The following KLHL1 variants were observed in gnomAD, a reference collection of about 807,000 sequenced individuals.
KLHL1 encodes kelch like family member 1, also known as kelch-like protein 1.
Under a neutral mutation model 77.7 loss-of-function variants are expected in KLHL1, and 47 were observed. The ratio of observed to expected loss-of-function variants is 0.60; its 90% CI spans 0.48 to 0.77. The LOEUF (loss-of-function observed/expected upper bound fraction) is 0.77. Ranked by LOEUF, KLHL1 falls within the 30% of genes least tolerant of loss-of-function variation. KLHL1 has a pLI of 0.00. For synonymous variants in KLHL1, 360 were observed against 325.2 expected (o/e 1.11, Z -1.15); for missense variants, 925 against 910.8 (o/e 1.02, Z -0.20).
chr13:69,828,050 C>G (rs1271508493), intron 6 of KLHL1, among the ~76,000 whole-genome samples: 2 of 150,210 alleles, frequency 1.3e-5, no homozygotes, highest in Non-Finnish European at 2.9e-5. Flanking sequence ...ACTTGCAGCT[C>G]CCACTTGGAT....
rs55885952 is a variant in KLHL1 at position 70,038,581 on chromosome 13, ATT to A, written c.498-62781_498-62780del. 5.7e-3 allele frequency among the ~76,000 whole-genome samples: 415 copies of A among 73,040 alleles called. 1 individual carries two copies. The highest frequency in any genetic ancestry group is 0.017 in the African/African-American group (318 of 18,794). The allele number at this position is 73,040 out of a possible 152,430, so 47.9% of individuals were successfully genotyped here. A position where few individuals can be genotyped will look rare whatever the true frequency, so the allele number is the denominator to read the frequency against. ...TTGCCAGCATTTGGGATTGTCATTA[ATT>A]TTTTTTTTTTTTTTTTTTTTTTGAG... On this transcript the variant is annotated intron_variant, in intron 1 of 10. Coordinates refer to ENST00000377844, the MANE Select transcript of KLHL1 (RefSeq NM_020866.3).
intron 7 of KLHL1, among the ~76,000 whole-genome samples, chr13:69,748,333 T>C (rs1874310446): frequency 6.6e-6 from 1 of 152,000 alleles, no homozygotes; most frequent in Admixed American, 6.6e-5. Flanking sequence ...CAGTTGCACA[T>C]GGCTGAGGAG....
intron 1 of KLHL1, among the ~76,000 whole-genome samples, chr13:70,001,221 G>T (rs1267112240): frequency 6.6e-6 from 1 of 150,994 alleles, no homozygotes; most frequent in Non-Finnish European, 1.5e-5. Flanking sequence ...ATAGGAAATA[G>T]AAATAAGCTA....
chr13:69,730,193 A>G lies in KLHL1; in HGVS notation c.1802+10201T>C, dbSNP rs542357317. Among the ~76,000 whole-genome samples the G allele has an allele frequency of 1.2e-4, 19 of 152,284 alleles. No homozygotes were observed. The South Asian group carries it at 3.9e-3, about 32-fold the overall frequency. On this transcript the variant is annotated intron_variant, in intron 8 of 10. Transcript: ENST00000377844. The stretch of plus-strand genomic sequence containing the variant: ...TTTTAAGGTTATTCAAAGTAAAGTC[A>G]TAAAGAAGGTCACAGAGCTATAATG...
intron 1 of KLHL1, among the ~76,000 whole-genome samples, chr13:70,087,709 G>A (rs2137437992): frequency 6.6e-6 from 1 of 152,214 alleles, no homozygotes; most frequent in Non-Finnish European, 1.5e-5. Context: ...AACAACCAGA[G>A]CTTTTGGAAA....
At chr13:69,737,639 T>C (rs1305434983) in intron 8 of KLHL1, among the ~76,000 whole-genome samples, 2 of 152,256 alleles carry the variant, frequency 1.3e-5, no homozygotes, top group African/African-American at 2.4e-5. Context: ...CCAGACTGCT[T>C]CTTTAAGCAG....
chr13:69,784,983 G>C (rs867353110), intron 7 of KLHL1, among the ~76,000 whole-genome samples: 1 of 138,160 alleles, frequency 7.2e-6, no homozygotes, highest in African/African-American at 2.7e-5. Flanking sequence ...TCCGCCTCCC[G>C]GGTTCACGCC....
intron 6 of KLHL1, among the ~76,000 whole-genome samples, chr13:69,808,792 A>G (rs1019457468): frequency 6.6e-6 from 1 of 152,184 alleles, no homozygotes; most frequent in Non-Finnish European, 1.5e-5. Context: ...GATCTGAGAG[A>G]AAGTTGAAAT....
In KLHL1 at chr13:70,087,249, G is replaced by A. The variant is rs546270813; in HGVS notation, c.497+19954C>T. On this transcript the variant is annotated intron_variant, in intron 1 of 10. Coordinates refer to ENST00000377844, the MANE Select transcript of KLHL1 (RefSeq NM_020866.3). ...TTGTCAACTGTGTGAATGTTTAGGC[G>A]ATTTATATTAAAATTGGAAATGAAA... 2.6e-5 allele frequency among the ~76,000 whole-genome samples: 4 copies of A among 152,136 alleles called. No individual in the cohort carries two copies. In the East Asian group the frequency reaches 7.7e-4, roughly 29 times the overall value.
In KLHL1 at chr13:70,078,449, A is replaced by G. The variant is rs112020045; in HGVS notation, c.497+28754T>C. On this transcript the variant is annotated intron_variant, in intron 1 of 10. Coordinates refer to ENST00000377844, the MANE Select transcript of KLHL1 (RefSeq NM_020866.3). ...GAAAACCTTCATTTGTATAACTTCC[A>G]AATTTTCTCTTTAAATATTAATAAA... Among the ~76,000 whole-genome samples the G allele has an allele frequency of 8.5e-5, 13 of 152,176 alleles. 1 individual carries two copies. The highest frequency in any genetic ancestry group is 3.1e-4 in the African/African-American group (13 of 41,550).
intron 4 of KLHL1, among the ~76,000 whole-genome samples, chr13:69,893,915 G>A (rs780649930): frequency 1.3e-5 from 2 of 152,098 alleles, no homozygotes; most frequent in African/African-American, 4.8e-5. Context: ...AACAGACAAA[G>A]GCCGCCCAAT....
chr13:69,811,736 C>T (rs1877890116), intron 6 of KLHL1, among the ~76,000 whole-genome samples: 1 of 152,098 alleles, frequency 6.6e-6, no homozygotes, highest in African/African-American at 2.4e-5. Context: ...CACAAAGATT[C>T]TATCAAAAGA....
At chr13:69,974,724 G>A (rs182850142) in intron 2 of KLHL1, among the ~76,000 whole-genome samples, 136 of 151,984 alleles carry the variant, frequency 8.9e-4, no homozygotes, top group African/African-American at 3.0e-3. Context: ...TAGCTCTTAC[G>A]CTGAAGAATA....
At chr13:69,779,258 T>C (rs1390247385) in intron 7 of KLHL1, among the ~76,000 whole-genome samples, 1 of 152,146 alleles carries the variant, frequency 6.6e-6, no homozygotes, top group Non-Finnish European at 1.5e-5. Flanking sequence ...ACCAAGTATA[T>C]AATGAGGGTT....
chr13:69,799,579 G>A (rs1171157206), intron 6 of KLHL1, among the ~76,000 whole-genome samples: 1 of 152,116 alleles, frequency 6.6e-6, no homozygotes, highest in Non-Finnish European at 1.5e-5. Flanking sequence ...TTTCAAATTA[G>A]AATTTATATT....
At chr13:70,029,467 G>T (rs1183834302) in intron 1 of KLHL1, among the ~76,000 whole-genome samples, 5 of 152,234 alleles carry the variant, frequency 3.3e-5, no homozygotes, top group Admixed American at 2.6e-4. Flanking sequence ...TTAAAGAAAA[G>T]AATTTTCAAC....
At chr13:70,030,526 A>T (rs1484973335) in intron 1 of KLHL1, among the ~76,000 whole-genome samples, 6 of 152,338 alleles carry the variant, frequency 3.9e-5, no homozygotes, top group African/African-American at 1.4e-4. Flanking sequence ...GCAGAAATAA[A>T]GATGTTCTTT....
intron 1 of KLHL1, among the ~76,000 whole-genome samples, chr13:70,084,453 T>G (rs1887470426): frequency 2.4e-5 from 2 of 84,056 alleles, no homozygotes; most frequent in Admixed American, 1.3e-4. Context: ...TCTAGTCTAT[T>G]TCTTCTTCTT....
intron 7 of KLHL1, among the ~76,000 whole-genome samples, chr13:69,781,674 A>T (rs1876218118): frequency 6.6e-6 from 1 of 152,128 alleles, no homozygotes; most frequent in Non-Finnish European, 1.5e-5. Context: ...GATATTCTGA[A>T]ATAGGATACA....
Sources: gnomAD v4.1 joint callset for allele counts (sites outside exome capture counted in the v4.1 genomes callset) on GRCh38, gnomAD v4.1.1 for gene constraint, MANE v1.5 for transcripts, NCBI Gene and HGNC (gene_info 2026-07-23, HGNC 2026-07-21) for gene names.